The following WNT9A variants were observed in gnomAD, a reference collection of about 807,000 sequenced individuals.
WNT9A encodes Wnt family member 9A.
A neutral mutation model predicts 31.4 loss-of-function variants in WNT9A; 8 were observed. The observed-to-expected ratio is 0.26, with a 90% CI of 0.15 to 0.46. WNT9A has a LOEUF of 0.46. Among genes scored for constraint, WNT9A ranks in the 20% least tolerant of loss-of-function variants. The probability of loss-of-function intolerance (pLI) is 0.99; values close to 1 mark genes in which losing one functional copy is unlikely to be tolerated. For synonymous variants in WNT9A, 236 were observed against 220.1 expected (o/e 1.07, Z -0.64); for missense variants, 457 against 522.9 (o/e 0.87, Z 1.23).
intron 1 of WNT9A, among the ~76,000 whole-genome samples, chr1:227,945,775 G>A (rs535318343): frequency 1.4e-4 from 21 of 151,952 alleles, no homozygotes; most frequent in Non-Finnish European, 2.4e-4. Context: ...AGAGGCCTCC[G>A]CACAACCCAG....
At position 227,925,480 on chromosome 1, in the gene WNT9A, G is replaced by C; in HGVS notation, c.135C>G (p.Thr45=). ...CCTGGGCAGCCGCCTCTGGCTCCAGGGTCAGCGGGAGGATGGTCAGGGGCT... is the reference window on the plus strand; with the variant it reads ...CCTGGGCAGCCGCCTCTGGCTCCAGCGTCAGCGGGAGGATGGTCAGGGGCT... ...GSEPLTILPL[T]LEPEAAAQAH... is the part of the protein sequence containing the mutation. Residue 45 remains threonine, a synonymous_variant, in exon 2 of 4, where the codon ACC becomes ACG. Transcript: ENST00000272164. The surrounding 1 kb of genome is among the most constrained non-coding windows in gnomAD (Gnocchi z 6.0). 1 of 1,574,034 alleles carries C rather than the reference G, an allele frequency of 6.4e-7. No individual in the cohort carries two copies. Among genetic ancestry groups the C allele is most frequent in the Non-Finnish European group, 8.6e-7 (1 of 1,164,318 alleles).
Position 227,925,250 on chromosome 1 carries a change from C to G in WNT9A, c.352+13G>C. On this transcript the variant is annotated intron_variant, in intron 2 of 3. Coordinates refer to ENST00000272164, the MANE Select transcript of WNT9A (RefSeq NM_003395.4). This position sits in a 1 kb window ranked among gnomAD's most constrained non-coding sequence, Gnocchi z 6.0. ...TCTGGGGCCTTCCTGAGGGCCAGGC[C>G]GGCCACACTCACCTCGCTTGAGCAG... 1 of 1,531,266 alleles carries G rather than the reference C, an allele frequency of 6.5e-7. No individual in the cohort carries two copies. The highest frequency in any genetic ancestry group is 8.8e-7 in the Non-Finnish European group (1 of 1,136,050). The allele number at this position is 1,531,266 out of a possible 1,614,324, so 94.9% of individuals were successfully genotyped here.
Position 227,924,198 on chromosome 1 carries a change from T to C in WNT9A, c.555A>G (p.Arg185=). 6.2e-7 allele frequency: 1 copy of C among 1,612,474 alleles called. No homozygotes were observed. Among genetic ancestry groups the C allele is most frequent in the Non-Finnish European group, 8.5e-7 (1 of 1,179,428 alleles). Residue 185 remains arginine, a synonymous_variant, in exon 3 of 4, where the codon AGA becomes AGG. Coordinates refer to ENST00000272164, the MANE Select transcript of WNT9A (RefSeq NM_003395.4). ...GGGCTCGCAGATCCTTGCTTGACCG[T>C]CTGCCCAGGAATTCCTTGACGAACT... The part of the protein sequence containing the change: ...SSKFVKEFLG[R]RSSKDLRARV...
At chr1:227,945,622 G>A (rs1046088654) in intron 1 of WNT9A, among the ~76,000 whole-genome samples, 3 of 152,132 alleles carry the variant, frequency 2.0e-5, no homozygotes, top group Admixed American at 6.5e-5. Context: ...GGGAGAAAAC[G>A]GCCCTAGATC....
intron 1 of WNT9A, among the ~76,000 whole-genome samples, chr1:227,938,346 C>T (rs996355412): frequency 6.6e-6 from 1 of 151,462 alleles, no homozygotes; most frequent in Non-Finnish European, 1.5e-5. Flanking sequence ...AACCTATACA[C>T]ACAGACACAC....
rs757801135 is a variant in WNT9A, at chr1:227,924,347, C to T, written c.406G>A (p.Ala136Thr). The part of the protein sequence containing the change: ...YAISSAGLTH[A>T]LAKACSAGRM... ...CCCGCGCTGCACGCCTTGGCCAGTG[C>T]GTGCGTCAGGCCAGCCGAGGAGATG... The change falls in exon 3 of 4, where the codon GCA becomes ACA. Residue 136 changes from alanine to threonine, a missense_variant. Coordinates refer to ENST00000272164, the MANE Select transcript of WNT9A (RefSeq NM_003395.4). The T allele has an allele frequency of 1.9e-5, 30 of 1,613,376 alleles. No individual in the cohort carries two copies. The highest frequency in any genetic ancestry group is 4.5e-5 in the East Asian group (2 of 44,874).
chr1:227,930,728 A>G (rs1666496638), intron 1 of WNT9A, among the ~76,000 whole-genome samples: 1 of 152,170 alleles, frequency 6.6e-6, no homozygotes, highest in Admixed American at 6.5e-5. Flanking sequence ...ACCTTTAAAA[A>G]TCATAAATGA....
intron 1 of WNT9A, among the ~76,000 whole-genome samples, chr1:227,938,381 A>G (rs973588818): frequency 2.6e-5 from 4 of 151,328 alleles, no homozygotes; most frequent in African/African-American, 9.7e-5. Context: ...AGGAACAAAC[A>G]CACCCACACA....
rs937584040 is a variant in WNT9A, at chr1:227,928,391, C to T, written c.96-2872G>A. Among the ~76,000 whole-genome samples the T allele has an allele frequency of 6.6e-6, 1 of 152,128 alleles. No individual in the cohort carries two copies. The highest frequency in any genetic ancestry group is 6.5e-5 in the Admixed American group (1 of 15,280). ...AGAAGGGTGTGGAGGGAGGGTTGCC[C>T]CAGCCTAGCAGTGGCAAGGGATGGC... On this transcript the variant is annotated intron_variant, in intron 1 of 3. Coordinates refer to ENST00000272164, the MANE Select transcript of WNT9A (RefSeq NM_003395.4). This position sits in a 1 kb window ranked among gnomAD's most constrained non-coding sequence, Gnocchi z 4.5.
chr1:227,928,215 G>A lies in WNT9A; in HGVS notation c.96-2696C>T, dbSNP rs1666452376. The stretch of plus-strand genomic sequence containing the variant: ...GCATGCAGACAGCAGGGCAGCAAGT[G>A]TGGCTACACCTGGAGACTTGCCGGG... On this transcript the variant is annotated intron_variant, in intron 1 of 3. Coordinates refer to ENST00000272164, the MANE Select transcript of WNT9A (RefSeq NM_003395.4). This position sits in a 1 kb window ranked among gnomAD's most constrained non-coding sequence, Gnocchi z 4.5. 6.6e-6 allele frequency among the ~76,000 whole-genome samples: 1 copy of A among 152,118 alleles called. No homozygotes were observed. The highest frequency in any genetic ancestry group is 1.5e-5 in the Non-Finnish European group (1 of 68,002).
intron 1 of WNT9A, among the ~76,000 whole-genome samples, chr1:227,931,409 A>G (rs1666508496): frequency 6.6e-6 from 1 of 152,226 alleles, no homozygotes; most frequent in Admixed American, 6.5e-5. Context: ...GTATCAGATG[A>G]GAATTGTATC....
chr1:227,921,682 T>C lies in WNT9A; in HGVS notation c.934A>G (p.Arg312Gly). The C allele has an allele frequency of 6.2e-7, 1 of 1,613,130 alleles. No individual in the cohort carries two copies. Among genetic ancestry groups the C allele is most frequent in the Non-Finnish European group, 8.5e-7 (1 of 1,179,942 alleles). Residue 312 changes from arginine (R) to glycine (G), a missense_variant, in exon 4 of 4, where the codon AGG (arginine) becomes GGG (glycine). By Grantham distance (125) the Arg-to-Gly change is moderately radical. Transcript: ENST00000272164. Reference sequence around the variant, plus strand: ...TCGCAGTTCTTCTCACGGTGGCACCTACGGCCAGCGGTGCCCGGGGAGAAG... The same window carrying C: ...TCGCAGTTCTTCTCACGGTGGCACCCACGGCCAGCGGTGCCCGGGGAGAAG... ...GRFSPGTAGR[R>G]CHREKNCESI...
intron 1 of WNT9A, among the ~76,000 whole-genome samples, chr1:227,927,608 G>A (rs1636194): frequency 6.6e-6 from 1 of 151,914 alleles, no homozygotes; most frequent in Non-Finnish European, 1.5e-5. Context: ...CGGCTAGGGC[G>A]GGAGGCAGGC....
At chr1:227,939,454 G>C (rs965968640) in intron 1 of WNT9A, among the ~76,000 whole-genome samples, 2 of 152,154 alleles carry the variant, frequency 1.3e-5, no homozygotes, top group Non-Finnish European at 2.9e-5. Context: ...GGGCCACCCT[G>C]GGAGGACCCA....
At chr1:227,944,004 C>T (rs186550480) in intron 1 of WNT9A, among the ~76,000 whole-genome samples, 1 of 152,164 alleles carries the variant, frequency 6.6e-6, no homozygotes, top group East Asian at 1.9e-4. Context: ...AAAAACATCA[C>T]ATGCATGTGA....
intron 1 of WNT9A, among the ~76,000 whole-genome samples, chr1:227,947,557 T>C (rs1021770380): frequency 2.7e-5 from 4 of 150,626 alleles, no homozygotes; most frequent in Non-Finnish European, 5.9e-5. Flanking sequence ...ACGACGACTC[T>C]GCGGTCACGG....
At chr1:227,930,129 T>C (rs948568888) in intron 1 of WNT9A, among the ~76,000 whole-genome samples, 12 of 152,204 alleles carry the variant, frequency 7.9e-5, no homozygotes, top group Non-Finnish European at 1.3e-4. Flanking sequence ...AGCCTTGTTA[T>C]AGGAACGTGC....
intron 1 of WNT9A, among the ~76,000 whole-genome samples, chr1:227,934,884 G>C (rs1666564390): frequency 6.6e-6 from 1 of 150,852 alleles, no homozygotes; most frequent in Admixed American, 6.6e-5. Flanking sequence ...TGGGGGCTGT[G>C]ACCCCAGTCA....
At chr1:227,947,065 C>G (rs1666806169) in intron 1 of WNT9A, among the ~76,000 whole-genome samples, 1 of 152,180 alleles carries the variant, frequency 6.6e-6, no homozygotes, top group Admixed American at 6.5e-5. Flanking sequence ...TCCCAGACCT[C>G]AGAGAGGGGG....
Sources: gnomAD v4.1 joint callset for allele counts (sites outside exome capture counted in the v4.1 genomes callset) on GRCh38, gnomAD v4.1.1 for gene constraint, Gnocchi (gnomAD v3.1) non-coding constraint, MANE v1.5 for transcripts, NCBI Gene and HGNC (gene_info 2026-07-23, HGNC 2026-07-21) for gene names.